Variants in GRIN2A observed in about 807,000 individuals in gnomAD.
GRIN2A encodes glutamate receptor ionotropic, NMDA 2A.
Under a neutral mutation model 113.4 loss-of-function variants are expected in GRIN2A, and 22 were observed. The ratio of observed to expected loss-of-function variants is 0.19; its 90% CI spans 0.14 to 0.28. GRIN2A has a LOEUF of 0.28. GRIN2A is among the 10% of genes least tolerant of loss of function. GRIN2A has a pLI of 1.00. For synonymous variants in GRIN2A, 827 were observed against 738.4 expected, an observed-to-expected ratio of 1.12 and a Z score of -1.94; for missense variants, 1,502 against 1,887.0, an observed-to-expected ratio of 0.80 and a Z score of 3.78.
chr16:9,979,495 C>T (rs867178461), intron 2 of GRIN2A, among the ~76,000 whole-genome samples: 4 of 152,144 alleles, frequency 2.6e-5, no homozygotes, highest in East Asian at 1.9e-4. Flanking sequence ...TCAGCTTAAA[C>T]GTCTCATGCT....
chr16:10,014,260 G>A (rs1415659691), intron 2 of GRIN2A, among the ~76,000 whole-genome samples: 1 of 152,142 alleles, frequency 6.6e-6, no homozygotes, highest in Non-Finnish European at 1.5e-5. Context: ...TCTCAACCTG[G>A]CACTTGTAGA....
intron 2 of GRIN2A, among the ~76,000 whole-genome samples, chr16:10,117,713 G>A (rs1444519189): frequency 6.6e-6 from 1 of 152,086 alleles, no homozygotes; most frequent in Non-Finnish European, 1.5e-5. Flanking sequence ...AAAAGCTCAG[G>A]GGCTACAGCT....
chr16:9,991,153 G>C (rs1047245399), intron 2 of GRIN2A, among the ~76,000 whole-genome samples: 2 of 152,184 alleles, frequency 1.3e-5, no homozygotes, highest in African/African-American at 4.8e-5. Context: ...CAAATGCCTG[G>C]TATTTCTTAA....
At position 9,764,220 on chromosome 16, in the gene GRIN2A, G is replaced by C; in HGVS notation, c.3324C>G (p.Thr1108=). 7.2e-7 allele frequency: 1 copy of C among 1,395,702 alleles called. No individual in the cohort carries two copies. Among genetic ancestry groups the C allele is most frequent in the Non-Finnish European group, 9.4e-7 (1 of 1,065,144 alleles). The allele number at this position is 1,395,702 out of a possible 1,614,324, so 86.5% of individuals were successfully genotyped here. The change falls in exon 13 of 13, where the codon ACC becomes ACG. Residue 1108 remains threonine (T), a synonymous_variant. Coordinates refer to ENST00000330684, the MANE Select transcript of GRIN2A (RefSeq NM_001134407.3). The part of the protein sequence containing the change: ...CSEVERTYLK[T]KSSSPRDKIY... ...TCTTGTCTCTAGGGGAGCTTGATTT[G>C]GTTTTCAGGTAGGTGCGCTCGACCT...
At chr16:9,906,664 A>G (rs1191200434) in intron 3 of GRIN2A, among the ~76,000 whole-genome samples, 2 of 152,236 alleles carry the variant, frequency 1.3e-5, no homozygotes, top group East Asian at 3.8e-4. Flanking sequence ...TCACCTTAAC[A>G]GGGAGAAATA....
chr16:10,112,408 G>A (rs2048635108), intron 2 of GRIN2A: 3 of 716,144 alleles, frequency 4.2e-6, no homozygotes, highest in Admixed American at 1.9e-5. Context: ...CAGCCCCAGG[G>A]CACTGCTGTG....
At chr16:10,061,353 A>C (rs192733945) in intron 2 of GRIN2A, among the ~76,000 whole-genome samples, 1 of 152,336 alleles carries the variant, frequency 6.6e-6, no homozygotes, top group Admixed American at 6.5e-5. Flanking sequence ...GAAGGAAATA[A>C]ACTTCTCTTT....
At chr16:9,870,195 C>A (rs1265018551) in intron 4 of GRIN2A, among the ~76,000 whole-genome samples, 2 of 152,170 alleles carry the variant, frequency 1.3e-5, no homozygotes, top group Non-Finnish European at 2.9e-5. Flanking sequence ...AAAGGCCTGG[C>A]AATTATTTTT....
chr16:10,180,510 C>T lies in GRIN2A; in HGVS notation c.-18-81G>A. 6.5e-7 allele frequency: 1 copy of T among 1,534,662 alleles called. No homozygotes were observed. Among genetic ancestry groups the T allele is most frequent in the Non-Finnish European group, 8.7e-7 (1 of 1,146,650 alleles). On this transcript the variant is annotated intron_variant, in intron 1 of 12. Transcript: ENST00000330684. This position sits in a 1 kb window ranked among gnomAD's most constrained non-coding sequence, Gnocchi z 7.0. ...GGGATTACCAACTTGGCTTCCTGCT[C>T]TAGGAGCCAGGCATGGAACTCAGCA... is the stretch of plus-strand genomic sequence containing the variant.
chr16:10,097,321 C>T (rs1474988199), intron 2 of GRIN2A, among the ~76,000 whole-genome samples: 2 of 152,216 alleles, frequency 1.3e-5, no homozygotes, highest in African/African-American at 2.4e-5. Context: ...AAAGCACACA[C>T]TAAACAAATA....
In GRIN2A at chr16:10,180,704, T is replaced by A; in HGVS notation, c.-18-275A>T. 1.8e-6 allele frequency: 1 copy of A among 560,392 alleles called. No individual in the cohort carries two copies. Among genetic ancestry groups the A allele is most frequent in the Non-Finnish European group, 3.2e-6 (1 of 314,184 alleles). The allele number at this position is 560,392 out of a possible 1,614,324, so 34.7% of individuals were successfully genotyped here. A position where few individuals can be genotyped will look rare whatever the true frequency, so the allele number is the denominator to read the frequency against. ...TCCCCTGTCTCCAGGCACTTCCCCA[T>A]CCCCATCTCTGTCCATATCCCCCAC... On this transcript the variant is annotated intron_variant, in intron 1 of 12. Coordinates refer to ENST00000330684, the MANE Select transcript of GRIN2A (RefSeq NM_001134407.3). The surrounding 1 kb of genome is among the most constrained non-coding windows in gnomAD (Gnocchi z 7.0).
At chr16:10,028,410 T>C (rs1038169888) in intron 2 of GRIN2A, among the ~76,000 whole-genome samples, 2 of 152,210 alleles carry the variant, frequency 1.3e-5, no homozygotes, top group African/African-American at 4.8e-5. Context: ...TGCCCAGCCA[T>C]GGACACTTCC....
At chr16:9,822,554 C>T in intron 9 of GRIN2A, 130 bp from the exon 10 acceptor site, 3 of 714,018 alleles carry the variant, frequency 4.2e-6, no homozygotes, top group Middle Eastern at 7.1e-4. Flanking sequence ...TGCATTAGGG[C>T]AGGATGACAA....
intron 2 of GRIN2A, among the ~76,000 whole-genome samples, chr16:9,974,573 C>T (rs539529603): frequency 1.3e-5 from 2 of 152,202 alleles, no homozygotes; most frequent in East Asian, 1.9e-4. Flanking sequence ...GGAGTCTTGC[C>T]GATGCTCGCG....
At chr16:10,133,310 C>T (rs571947274) in intron 2 of GRIN2A, among the ~76,000 whole-genome samples, 1 of 152,326 alleles carries the variant, frequency 6.6e-6, no homozygotes, top group South Asian at 2.1e-4. Context: ...CCAAAATTTT[C>T]ATCAAAATCT....
intron 4 of GRIN2A, among the ~76,000 whole-genome samples, chr16:9,854,189 G>A (rs2042930564): frequency 6.6e-6 from 1 of 152,036 alleles, no homozygotes; most frequent in African/African-American, 2.4e-5. Context: ...AATGATTAAT[G>A]TGTCCATATG....
intron 4 of GRIN2A, among the ~76,000 whole-genome samples, chr16:9,872,488 T>G (rs1441481655): frequency 6.6e-6 from 1 of 152,218 alleles, no homozygotes; most frequent in Non-Finnish European, 1.5e-5. Context: ...TAGTATAACT[T>G]GACAGATGTC....
chr16:9,793,442 C>A (rs930112240), intron 11 of GRIN2A, among the ~76,000 whole-genome samples: 13 of 152,008 alleles, frequency 8.6e-5, no homozygotes, highest in Non-Finnish European at 4.4e-5. Flanking sequence ...TATGGGATCC[C>A]CTGTTCACCT....
intron 5 of GRIN2A, among the ~76,000 whole-genome samples, chr16:9,846,988 T>G (rs1369550702): frequency 6.6e-6 from 1 of 152,188 alleles, no homozygotes; most frequent in African/African-American, 2.4e-5. Flanking sequence ...TAATGGACAA[T>G]GCCAGCTCTT....
Sources: allele counts gnomAD v4.1 joint callset (sites outside exome capture counted in the v4.1 genomes callset), GRCh38; gene constraint gnomAD v4.1.1; non-coding constraint Gnocchi (gnomAD v3.1); transcripts MANE v1.5; gene names NCBI Gene and HGNC (gene_info 2026-07-23, HGNC 2026-07-21).